WASHC5: variants seen among roughly 807,000 people sequenced by gnomAD.
WASHC5 encodes WASH complex subunit strumpellin.
WASHC5 carries 101 observed loss-of-function variants against 150.4 expected under a neutral mutation model. That is an observed-to-expected ratio of 0.67 (90% CI 0.57 to 0.79). WASHC5 has a LOEUF of 0.79. Ranked by LOEUF, WASHC5 falls within the 30% of genes least tolerant of loss-of-function variation. The probability of loss-of-function intolerance (pLI) is 0.00; values close to 1 mark genes in which losing one functional copy is unlikely to be tolerated. For synonymous variants in WASHC5, 467 were observed against 491.2 expected, an observed-to-expected ratio of 0.95 and a Z score of 0.65; for missense variants, 1,195 against 1,396.3, an observed-to-expected ratio of 0.86 and a Z score of 2.30.
At chr8:125,053,805 C>T (rs921724643) in intron 17 of WASHC5, among the ~76,000 whole-genome samples, 3 of 152,084 alleles carry the variant, frequency 2.0e-5, no homozygotes, top group Non-Finnish European at 4.4e-5. Flanking sequence ...ATGGGCCCAT[C>T]GCTACTCACC....
chr8:125,039,064 T>C, intron 24 of WASHC5, 105 bp from the exon 25 acceptor site: 1 of 1,264,182 alleles, frequency 7.9e-7, no homozygotes, highest in Non-Finnish European at 1.1e-6. Context: ...AGTTTCCTCA[T>C]CTGTAAAATG....
chr8:125,039,318 C>T (rs184040145), intron 24 of WASHC5, among the ~76,000 whole-genome samples: 8 of 152,210 alleles, frequency 5.3e-5, no homozygotes, highest in Admixed American at 4.6e-4. Flanking sequence ...GCTGGTGAGG[C>T]GGAGGATATG....
intron 10 of WASHC5, among the ~76,000 whole-genome samples, chr8:125,065,736 C>A (rs1816727278): frequency 6.6e-6 from 1 of 151,876 alleles, no homozygotes; most frequent in African/African-American, 2.4e-5. Flanking sequence ...CCTGCCTCAG[C>A]CTCCTGAAGA....
intron 1 of WASHC5, among the ~76,000 whole-genome samples, chr8:125,085,831 A>G (rs1817403551): frequency 6.6e-6 from 1 of 152,216 alleles, no homozygotes; most frequent in Non-Finnish European, 1.5e-5. Flanking sequence ...GAGGTTTCAG[A>G]AAGTTCTTGA....
Position 125,032,286 on chromosome 8 carries a change from G to A in WASHC5, c.3290C>T (p.Ala1097Val), listed in dbSNP as rs1289972754. Residue 1097 changes from alanine (A) to valine (V), a missense_variant, in exon 27 of 29, where the codon GCG becomes GTG. This residue lies in a region of WASHC5 where 997 missense variants were observed against 1,168.1 expected (regional missense o/e 0.85). Transcript: ENST00000318410. ...GGAGCAGATAAACTGGCCAATCAGC[G>A]CCAGGAACTGCTCGGTGTACCGGGA... The part of the protein sequence containing the change: ...FHSRYTEQFL[A>V]LIGQFICSTV... 8.7e-6 allele frequency: 14 copies of A among 1,614,018 alleles called. No individual in the cohort carries two copies. The highest frequency in any genetic ancestry group is 1.6e-4 in the Middle Eastern group (1 of 6,082).
intron 5 of WASHC5, among the ~76,000 whole-genome samples, chr8:125,079,599 G>C (rs548172527): frequency 3.5e-4 from 53 of 151,628 alleles, no homozygotes; most frequent in Non-Finnish European, 6.2e-4. Flanking sequence ...TCGGAATATA[G>C]CATTTTTCAA....
At chr8:125,085,809 C>T (rs1817402783) in intron 1 of WASHC5, among the ~76,000 whole-genome samples, 2 of 152,146 alleles carry the variant, frequency 1.3e-5, no homozygotes, top group Non-Finnish European at 2.9e-5. Flanking sequence ...GAAATAACTC[C>T]TCGGACTTGA....
chr8:125,059,339 C>T (rs1166353111), intron 13 of WASHC5, 37 bp downstream of exon 13: 1 of 1,613,724 alleles, frequency 6.2e-7, no homozygotes, highest in African/African-American at 1.3e-5. Context: ...TTCCTAGGGC[C>T]TTTCATCTAC....
chr8:125,024,744 G>C, intron 28 of WASHC5, 71 bp from the exon 29 acceptor site: 1 of 1,033,744 alleles, frequency 9.7e-7, no homozygotes. Context: ...ATACGTAAAA[G>C]AAAAGATATC....
intron 10 of WASHC5, among the ~76,000 whole-genome samples, chr8:125,064,154 TTTTA>T (rs140252217): frequency 0.031 from 4,658 of 152,100 alleles, 200 homozygotes; most frequent in African/African-American, 0.094. Context: ...AATTGTTTAT[TTTTA>T]TTTATTTATT....
chr8:125,025,583 G>A (rs1435978328), intron 28 of WASHC5, among the ~76,000 whole-genome samples: 2 of 152,090 alleles, frequency 1.3e-5, no homozygotes, highest in East Asian at 1.9e-4. Context: ...AGCTACTCAG[G>A]AGGCTGAGGC....
chr8:125,053,103 C>CTT (rs10616158), intron 17 of WASHC5, among the ~76,000 whole-genome samples: 5 of 136,392 alleles, frequency 3.7e-5, no homozygotes, highest in Admixed American at 1.5e-4. Flanking sequence ...ACCTGTATTT[C>CTT]TTTTTTTTTT....
intron 9 of WASHC5, among the ~76,000 whole-genome samples, chr8:125,070,470 C>T (rs1406982638): frequency 2.0e-5 from 3 of 152,160 alleles, no homozygotes; most frequent in East Asian, 1.9e-4. Context: ...AGGAGACTGC[C>T]GGCTTTCCGA....
intron 10 of WASHC5, among the ~76,000 whole-genome samples, chr8:125,064,080 T>C (rs1816680815): frequency 6.6e-6 from 1 of 152,226 alleles, no homozygotes; most frequent in Admixed American, 6.5e-5. Flanking sequence ...TGTATTACCT[T>C]CTCCAATGAC....
intron 9 of WASHC5, 132 bp downstream of exon 9, chr8:125,073,021 A>G: frequency 1.0e-6 from 1 of 954,828 alleles, no homozygotes; most frequent in Non-Finnish European, 1.7e-6. Flanking sequence ...AAAAATGACT[A>G]ACTTTAAAAA....
chr8:125,044,536 C>T lies in WASHC5; in HGVS notation c.2667G>A (p.Gln889=). The T allele has an allele frequency of 6.2e-7, 1 of 1,613,916 alleles. No homozygotes were observed. Among genetic ancestry groups the T allele is most frequent in the Non-Finnish European group, 8.5e-7 (1 of 1,179,788 alleles). ...CAGGCATGAAAGTCAAAAGGCTCAC[C>T]TGTAACTCTTTTACAATCATAAAGC... ...LLCFMIVKEL[Q]NFLSMFQKII... The change falls in exon 21 of 29, where the codon CAG becomes CAA. Residue 889 remains glutamine (Q), a splice_region_variant and synonymous_variant. Coordinates refer to ENST00000318410, the MANE Select transcript of WASHC5 (RefSeq NM_014846.4).
Position 125,059,833 on chromosome 8 carries a change from T to C in WASHC5, c.1522-291A>G, listed in dbSNP as rs553551047. Reference sequence around the variant, plus strand: ...TAAAAACAAAACAATGATTCTACAATGTCTTGAAATTTTAATGTATATAAC... The same window carrying C: ...TAAAAACAAAACAATGATTCTACAACGTCTTGAAATTTTAATGTATATAAC... On this transcript the variant is annotated intron_variant, in intron 12 of 28. Transcript: ENST00000318410. Among the ~76,000 whole-genome samples, 7 of 152,354 alleles carry C rather than the reference T, an allele frequency of 4.6e-5. No homozygotes were observed. The East Asian group carries it at 1.4e-3, about 29-fold the overall frequency.
chr8:125,029,167 G>A (rs1424685745), intron 27 of WASHC5, among the ~76,000 whole-genome samples: 1 of 152,150 alleles, frequency 6.6e-6, no homozygotes, highest in Non-Finnish European at 1.5e-5. Flanking sequence ...GACTGGCTGG[G>A]ATTACAGATG....
At chr8:125,084,076 G>A in intron 1 of WASHC5, 54 bp from the exon 2 acceptor site, 1 of 621,854 alleles carries the variant, frequency 1.6e-6, no homozygotes. Flanking sequence ...AAGCACATGT[G>A]TACACATAAG....
Sources: gnomAD v4.1 joint callset for allele counts (sites outside exome capture counted in the v4.1 genomes callset) on GRCh38, gnomAD v4.1.1 for gene constraint, gnomAD v4.1.1 regional missense constraint, MANE v1.5 for transcripts, NCBI Gene and HGNC (gene_info 2026-07-23, HGNC 2026-07-21) for gene names.